PTPRB: variants seen among roughly 807,000 people sequenced by gnomAD.
The protein encoded by PTPRB is protein tyrosine phosphatase receptor type B, also known as receptor-type tyrosine-protein phosphatase beta.
A neutral mutation model predicts 238.1 loss-of-function variants in PTPRB; 97 were observed. The observed-to-expected ratio is 0.41, with a 90% confidence interval of 0.35 to 0.48. PTPRB has a LOEUF of 0.48. PTPRB is among the 20% of genes least tolerant of loss of function. The probability of loss-of-function intolerance (pLI) is 0.30; values close to 1 mark genes in which losing one functional copy is unlikely to be tolerated. For synonymous variants in PTPRB, 970 were observed against 995.4 expected (o/e 0.97, Z 0.48); for missense variants, 2,292 against 2,681.9 (o/e 0.85, Z 3.21).
chr12:70,547,683 T>A (rs1267588843), intron 21 of PTPRB, among the ~76,000 whole-genome samples: 2 of 152,038 alleles, frequency 1.3e-5, no homozygotes, highest in African/African-American at 4.8e-5. Flanking sequence ...ATTTTTGTAT[T>A]TTTATTACAG....
intron 20 of PTPRB, among the ~76,000 whole-genome samples, chr12:70,554,330 T>C (rs1273192562): frequency 6.6e-6 from 1 of 152,164 alleles, no homozygotes; most frequent in Non-Finnish European, 1.5e-5. Context: ...TTAAACAGTA[T>C]AAAAATATAT....
At chr12:70,632,598 G>A (rs1366426495) in intron 2 of PTPRB, among the ~76,000 whole-genome samples, 1 of 151,400 alleles carries the variant, frequency 6.6e-6, no homozygotes, top group Non-Finnish European at 1.5e-5. Flanking sequence ...AAAGGAATGA[G>A]TGCTTAATGT....
At chr12:70,569,582 C>T in intron 14 of PTPRB, 93 bp downstream of exon 14, 4 of 1,477,792 alleles carry the variant, frequency 2.7e-6, no homozygotes. Flanking sequence ...GGTTTTAAAT[C>T]TGGATTTGTG....
intron 23 of PTPRB, chr12:70,540,394 C>A: frequency 4.8e-6 from 1 of 208,880 alleles, no homozygotes; most frequent in Non-Finnish European, 9.6e-6. Context: ...GAGAAGAAGG[C>A]ACGACACTTG....
intron 6 of PTPRB, among the ~76,000 whole-genome samples, chr12:70,594,152 A>T (rs1370995604): frequency 6.6e-6 from 1 of 152,174 alleles, no homozygotes; most frequent in Non-Finnish European, 1.5e-5. Flanking sequence ...TGTCATAAAG[A>T]CAGCAGTTGC....
chr12:70,524,166 T>C (rs1211405340), intron 33 of PTPRB, among the ~76,000 whole-genome samples: 1 of 152,052 alleles, frequency 6.6e-6, no homozygotes. Context: ...TGGAGTGCAG[T>C]GGTACGATCT....
At position 70,552,474 on chromosome 12, in the gene PTPRB, ACT is replaced by A. The variant is rs1057350372; in HGVS notation, c.5387+301_5387+302del. On this transcript the variant is annotated intron_variant, in intron 21 of 33. Coordinates refer to ENST00000334414, the MANE Select transcript of PTPRB (RefSeq NM_001109754.4). ...ACTCCAGTCTGGGCAACAGAGTAAGACTCTGTCTCAAAAAAAAAAAAAAAAAT... is the reference window on the plus strand; with the variant it reads ...ACTCCAGTCTGGGCAACAGAGTAAGACTGTCTCAAAAAAAAAAAAAAAAAT... Among the ~76,000 whole-genome samples, 40 of 89,378 alleles carry A rather than the reference ACT, an allele frequency of 4.5e-4. No homozygotes were observed. The East Asian group carries it at 7.1e-3, about 16-fold the overall frequency. 58.6% of individuals were successfully genotyped at this position (89,378 alleles called of 152,430 possible).
At position 70,541,082 on chromosome 12, in the gene PTPRB, C is replaced by T. The variant is rs1875021904; in HGVS notation, c.5495-125G>A. On this transcript the variant is annotated intron_variant, in intron 22 of 33. Transcript: ENST00000334414. ...TTACAAATAGAATTCAAGTGATGCC[C>T]ACGATGAGGCATTTACTTTCCAAAG... The T allele has an allele frequency of 4.0e-5, 30 of 750,002 alleles. No homozygotes were observed. In the South Asian group the frequency reaches 5.2e-4, roughly 13 times the overall value. The allele number at this position is 750,002 out of a possible 1,614,324, so 46.5% of individuals were successfully genotyped here. A position where few individuals can be genotyped will look rare whatever the true frequency, so the allele number is the denominator to read the frequency against.
chr12:70,562,746 C>T, intron 16 of PTPRB, 98 bp downstream of exon 16: 1 of 1,424,036 alleles, frequency 7.0e-7, no homozygotes, highest in Non-Finnish European at 9.6e-7. Flanking sequence ...AAAGCTACAT[C>T]CTGAATAGAA....
intron 2 of PTPRB, among the ~76,000 whole-genome samples, chr12:70,624,409 T>C (rs1336154291): frequency 6.6e-6 from 1 of 152,168 alleles, no homozygotes; most frequent in Non-Finnish European, 1.5e-5. Flanking sequence ...CTGAATCCTG[T>C]GCCGCTATTA....
intron 21 of PTPRB, among the ~76,000 whole-genome samples, chr12:70,549,180 C>G (rs1260884464): frequency 2.0e-5 from 3 of 152,166 alleles, no homozygotes; most frequent in South Asian, 2.1e-4. Context: ...GAATATGACA[C>G]AATAACAAGA....
At chr12:70,610,000 C>T (rs1301654804) in intron 3 of PTPRB, among the ~76,000 whole-genome samples, 1 of 151,922 alleles carries the variant, frequency 6.6e-6, no homozygotes, top group Non-Finnish European at 1.5e-5. Context: ...CCTGCCGCCC[C>T]GGGCGGGCTG....
At position 70,562,984 on chromosome 12, in the gene PTPRB, T is replaced by A; in HGVS notation, c.4028A>T (p.Asn1343Ile). 1 of 1,613,988 alleles carries A rather than the reference T, an allele frequency of 6.2e-7. No homozygotes were observed. Among genetic ancestry groups the A allele is most frequent in the Non-Finnish European group, 8.5e-7 (1 of 1,179,894 alleles). The change falls in exon 16 of 34, where the codon AAT becomes ATT. Residue 1343 changes from asparagine (N) to isoleucine (I), a missense_variant. Asn to Ile is a moderately radical substitution (Grantham distance 149). Around this residue, in one of 4 missense-constraint regions of PTPRB, gnomAD observed 683 missense variants for 862.0 expected, o/e 0.79. Coordinates refer to ENST00000334414, the MANE Select transcript of PTPRB (RefSeq NM_001109754.4). ...GTCAACTTGAGCTCTCTCCTGGAGA[T>A]TCCCATCTGGGTTGTACAAAAAGAT... ...YNIFLYNPDGNLQERAQVDPL... is the reference protein window; with the variant it reads ...YNIFLYNPDGILQERAQVDPL...
chr12:70,516,041 G>A lies in PTPRB; in HGVS notation c.*5448C>T, dbSNP rs1235131566. ...AATACAGTTAGTTAGAAATATTGTG[G>A]GTAGATGCTATAATATGAAAAAATA... On this transcript the variant is annotated 3_prime_UTR_variant, in exon 34 of 34. Transcript: ENST00000334414. 2 of 151,866 alleles carry A rather than the reference G, an allele frequency of 1.3e-5. No homozygotes were observed. Among genetic ancestry groups the A allele is most frequent in the African/African-American group, 2.4e-5 (1 of 41,332 alleles). The allele number at this position is 151,866 out of a possible 1,614,324, so 9.4% of individuals were successfully genotyped here.
Position 70,635,768 on chromosome 12 carries a change from T to G in PTPRB, c.354A>C (p.Val118=). The change falls in exon 2 of 34, where the codon GTA becomes GTC. Residue 118 remains valine, a synonymous_variant. Transcript: ENST00000334414. ...GGTATTTCCTGGCCTTCTTGACCAC[T>G]ACTCTGGAGCCTTGTTTCTGGAGAA... ...SLFLQKQGSR[V]VVKKARKYLH... 3.1e-6 allele frequency: 5 copies of G among 1,613,942 alleles called. No homozygotes were observed. The highest frequency in any genetic ancestry group is 4.2e-6 in the Non-Finnish European group (5 of 1,179,866).
intron 20 of PTPRB, 93 bp from the exon 21 acceptor site, chr12:70,553,113 T>C (rs1877147740): frequency 7.1e-7 from 1 of 1,401,520 alleles, no homozygotes. Flanking sequence ...TGCCTCCACA[T>C]CCACTATCTC....
intron 3 of PTPRB, among the ~76,000 whole-genome samples, chr12:70,616,381 A>C (rs950546295): frequency 6.6e-6 from 1 of 152,218 alleles, no homozygotes; most frequent in Non-Finnish European, 1.5e-5. Flanking sequence ...CCTTGTGATT[A>C]GATTTAGGTT....
intron 4 of PTPRB, among the ~76,000 whole-genome samples, chr12:70,600,207 CT>C (rs1384225833): frequency 6.6e-6 from 1 of 152,058 alleles, no homozygotes; most frequent in Non-Finnish European, 1.5e-5. Context: ...GTGCCAAAAG[CT>C]TTTCTTAAAG....
intron 28 of PTPRB, 44 bp from the exon 29 acceptor site, chr12:70,536,203 C>T: frequency 1.3e-6 from 2 of 1,584,320 alleles, no homozygotes; most frequent in Non-Finnish European, 1.7e-6. Context: ...CAATGGGCCT[C>T]TTCAGAACTA....
Sources: gnomAD v4.1 joint callset for allele counts (sites outside exome capture counted in the v4.1 genomes callset) on GRCh38, gnomAD v4.1.1 for gene constraint, gnomAD v4.1.1 regional missense constraint, MANE v1.5 for transcripts, NCBI Gene and HGNC (gene_info 2026-07-23, HGNC 2026-07-21) for gene names.